The following DGCR2 variants were observed in gnomAD, a reference collection of about 807,000 sequenced individuals.
DGCR2 encodes integral membrane protein DGCR2/IDD.
In DGCR2, 24 loss-of-function variants were observed where a neutral mutation model predicts 51.6. The observed-to-expected ratio is 0.47, with a 90% CI of 0.34 to 0.65. The LOEUF (loss-of-function observed/expected upper bound fraction) is 0.65, where lower values mean the gene tolerates loss of function less well. DGCR2 is among the 30% of genes least tolerant of loss of function. The pLI is 0.01. For missense variants in DGCR2, 765 were observed against 772.1 expected, an observed-to-expected ratio of 0.99 and a Z score of 0.11; for synonymous variants, 340 against 315.4, an observed-to-expected ratio of 1.08 and a Z score of -0.82.
intron 2 of DGCR2, among the ~76,000 whole-genome samples, chr22:19,080,951 T>C (rs1457938179): frequency 1.3e-5 from 2 of 152,192 alleles, no homozygotes. Flanking sequence ...CCCACTCCCA[T>C]GCCTATGCCT....
chr22:19,098,668 G>T (rs1181507998), intron 1 of DGCR2, among the ~76,000 whole-genome samples: 1 of 152,156 alleles, frequency 6.6e-6, no homozygotes, highest in Non-Finnish European at 1.5e-5. Flanking sequence ...GATTACTGCA[G>T]CGTAGACACC....
chr22:19,060,790 CG>C (rs781134224), intron 5 of DGCR2: 9 of 462,490 alleles, frequency 1.9e-5, no homozygotes, highest in Non-Finnish European at 3.9e-5. Flanking sequence ...GGCCCCCAGG[CG>C]GGGCTCACAG....
intron 1 of DGCR2, among the ~76,000 whole-genome samples, chr22:19,107,829 A>C (rs1245972210): frequency 4.6e-5 from 7 of 152,200 alleles, no homozygotes; most frequent in Non-Finnish European, 1.0e-4. Flanking sequence ...TCTGATGTAA[A>C]CATCAGCCAG....
At chr22:19,092,286 G>A (rs901488742) in intron 1 of DGCR2, among the ~76,000 whole-genome samples, 20 of 151,840 alleles carry the variant, frequency 1.3e-4, no homozygotes, top group African/African-American at 4.6e-4. Flanking sequence ...AGAGGTTACA[G>A]GAAGCCAAGA....
intron 1 of DGCR2, among the ~76,000 whole-genome samples, chr22:19,093,896 C>A (rs2083108607): frequency 6.6e-6 from 1 of 151,912 alleles, no homozygotes; most frequent in African/African-American, 2.4e-5. Context: ...GTCCCAGCTA[C>A]TCAGGAGGCT....
chr22:19,097,043 G>C (rs1327975371), intron 1 of DGCR2, among the ~76,000 whole-genome samples: 1 of 152,032 alleles, frequency 6.6e-6, no homozygotes, highest in African/African-American at 2.4e-5. Context: ...AGTTGAGTAA[G>C]AAGTAATAAG....
At chr22:19,084,993 G>GA (rs1260401082) in intron 2 of DGCR2, among the ~76,000 whole-genome samples, 1 of 152,054 alleles carries the variant, frequency 6.6e-6, no homozygotes, top group Non-Finnish European at 1.5e-5. Flanking sequence ...AGAAAAGGGG[G>GA]AAACGTGGGG....
chr22:19,076,353 C>T (rs995432508), intron 2 of DGCR2, among the ~76,000 whole-genome samples: 2 of 147,648 alleles, frequency 1.4e-5, no homozygotes, highest in Non-Finnish European at 2.9e-5. Flanking sequence ...TTGGTAGAGA[C>T]GGGGTTTCAC....
At chr22:19,112,159 G>C (rs927418192) in intron 1 of DGCR2, among the ~76,000 whole-genome samples, 1 of 151,680 alleles carries the variant, frequency 6.6e-6, no homozygotes, top group Non-Finnish European at 1.5e-5. Flanking sequence ...TGTAGTCCCA[G>C]CTACTGGGGA....
chr22:19,116,955 A>T (rs958236199), intron 1 of DGCR2, among the ~76,000 whole-genome samples: 1 of 124,764 alleles, frequency 8.0e-6, no homozygotes, highest in Non-Finnish European at 1.9e-5. Flanking sequence ...GCATAATGAG[A>T]TCACCTCCCA....
At chr22:19,074,375 G>A (rs184106909) in intron 2 of DGCR2, among the ~76,000 whole-genome samples, 2 of 149,542 alleles carry the variant, frequency 1.3e-5, no homozygotes, top group Admixed American at 6.7e-5. Context: ...AGCCGAGATC[G>A]CGCCACTCCA....
intron 2 of DGCR2, among the ~76,000 whole-genome samples, chr22:19,079,354 T>C (rs1601245177): frequency 6.6e-6 from 1 of 152,356 alleles, no homozygotes; most frequent in South Asian, 2.1e-4. Flanking sequence ...AGTTAAGGGA[T>C]ACTCAATCTG....
At chr22:19,101,737 TA>T (rs764584649) in intron 1 of DGCR2, among the ~76,000 whole-genome samples, 1,963 of 110,964 alleles carry the variant, frequency 0.018, 18 homozygotes, top group Non-Finnish European at 0.02. Context: ...GCAAAACTGT[TA>T]AAAAAAAAAA....
At chr22:19,040,475 C>A (rs568940924) in intron 9 of DGCR2, among the ~76,000 whole-genome samples, 1 of 152,050 alleles carries the variant, frequency 6.6e-6, no homozygotes, top group Non-Finnish European at 1.5e-5. Context: ...CACTGCTCAA[C>A]AGAGACAGAG....
At chr22:19,071,187 TGACCTGTGCAGCTCGGAG>T (rs2082811026) in intron 2 of DGCR2, among the ~76,000 whole-genome samples, 3 of 152,278 alleles carry the variant, frequency 2.0e-5, no homozygotes, top group African/African-American at 7.2e-5. Flanking sequence ...CTGGGCTCCA[TGACCTGTGCAGCTCGGAG>T]CACATGTGCC....
At chr22:19,111,965 A>C (rs1414907008) in intron 1 of DGCR2, among the ~76,000 whole-genome samples, 1 of 152,054 alleles carries the variant, frequency 6.6e-6, no homozygotes, top group Non-Finnish European at 1.5e-5. Flanking sequence ...AATGAAAAAT[A>C]ATTATTTTTA....
At chr22:19,092,178 TACTAAAAATACAA>T (rs1340761162) in intron 1 of DGCR2, among the ~76,000 whole-genome samples, 1 of 151,900 alleles carries the variant, frequency 6.6e-6, no homozygotes, top group Non-Finnish European at 1.5e-5. Flanking sequence ...AAACCCTGTC[TACTAAAAATACAA>T]AAATTAGCCA....
chr22:19,103,152 C>T (rs1027300442), intron 1 of DGCR2, among the ~76,000 whole-genome samples: 1 of 151,932 alleles, frequency 6.6e-6, no homozygotes, highest in African/African-American at 2.4e-5. Flanking sequence ...CAAAGGACAA[C>T]ATATTGTATG....
At chr22:19,074,194 G>A (rs1476591653) in intron 2 of DGCR2, among the ~76,000 whole-genome samples, 3 of 152,130 alleles carry the variant, frequency 2.0e-5, no homozygotes, top group Admixed American at 6.5e-5. Flanking sequence ...GGGAGACCGA[G>A]GCAGGCGATC....
Sources: gnomAD v4.1 joint callset for allele counts (sites outside exome capture counted in the v4.1 genomes callset) on GRCh38, gnomAD v4.1.1 for gene constraint, MANE v1.5 for transcripts, NCBI Gene and HGNC (gene_info 2026-07-23, HGNC 2026-07-21) for gene names.